NXPH1: variants seen among roughly 807,000 people sequenced by gnomAD.
The protein encoded by NXPH1 is neurexophilin-1.
Under a neutral mutation model 23.7 loss-of-function variants are expected in NXPH1, and 5 were observed. That is an observed-to-expected ratio of 0.21 (90% CI 0.11 to 0.44). NXPH1 has a LOEUF of 0.44. Ranked by LOEUF, NXPH1 falls within the 20% of genes least tolerant of loss-of-function variation. The pLI is 0.99. For missense variants in NXPH1, 324 were observed against 321.6 expected, an observed-to-expected ratio of 1.01 and a Z score of -0.06; for synonymous variants, 144 against 122.2, an observed-to-expected ratio of 1.18 and a Z score of -1.18.
At chr7:8,605,158 A>T (rs929849937) in intron 2 of NXPH1, among the ~76,000 whole-genome samples, 2 of 152,118 alleles carry the variant, frequency 1.3e-5, no homozygotes, top group African/African-American at 4.8e-5. Flanking sequence ...GGAATGCCTT[A>T]TATTTGATGT....
intron 2 of NXPH1, among the ~76,000 whole-genome samples, chr7:8,644,541 G>C (rs182606645): frequency 6.6e-6 from 1 of 151,890 alleles, no homozygotes; most frequent in Non-Finnish European, 1.5e-5. Context: ...TCTTCTTGAT[G>C]ACTGCAGTTA....
chr7:8,494,959 T>C (rs1817311165), intron 2 of NXPH1, among the ~76,000 whole-genome samples: 2 of 152,194 alleles, frequency 1.3e-5, no homozygotes, highest in South Asian at 4.1e-4. Flanking sequence ...CATGCTTTTA[T>C]TTCCTCATCT....
intron 2 of NXPH1, among the ~76,000 whole-genome samples, chr7:8,637,589 TTACA>T (rs1312268777): frequency 3.3e-5 from 5 of 152,134 alleles, no homozygotes; most frequent in African/African-American, 4.8e-5. Context: ...TAACCTGCTT[TTACA>T]TGATCTAATT....
At chr7:8,690,350 G>C (rs1426863453) in intron 2 of NXPH1, 1 of 152,176 alleles carries the variant, frequency 6.6e-6, no homozygotes, top group Non-Finnish European at 1.5e-5. Flanking sequence ...AATTTGGTGA[G>C]CTATTTATTT....
chr7:8,502,549 A>G (rs1465876106), intron 2 of NXPH1, among the ~76,000 whole-genome samples: 3 of 152,028 alleles, frequency 2.0e-5, no homozygotes, highest in Non-Finnish European at 4.4e-5. Flanking sequence ...AATACAATAT[A>G]AAGCATTAGT....
chr7:8,699,530 T>C (rs10256419), intron 2 of NXPH1, among the ~76,000 whole-genome samples: 10,448 of 152,174 alleles, frequency 0.069, 669 homozygotes, highest in East Asian at 0.18. Flanking sequence ...TGAACAGATA[T>C]GACAGTTTTG....
chr7:8,479,996 A>G (rs1172453015), intron 2 of NXPH1, among the ~76,000 whole-genome samples: 1 of 152,124 alleles, frequency 6.6e-6, no homozygotes, highest in African/African-American at 2.4e-5. Flanking sequence ...ATTAATAAAT[A>G]AAATTAGAGA....
At chr7:8,606,269 C>T (rs1304122451) in intron 2 of NXPH1, among the ~76,000 whole-genome samples, 1 of 151,844 alleles carries the variant, frequency 6.6e-6, no homozygotes, top group African/African-American at 2.4e-5. Context: ...TATAAAACAC[C>T]TAAGAATAAA....
chr7:8,676,390 A>G (rs1234540139), intron 2 of NXPH1, among the ~76,000 whole-genome samples: 1 of 152,158 alleles, frequency 6.6e-6, no homozygotes, highest in Non-Finnish European at 1.5e-5. Flanking sequence ...CATTTGCATA[A>G]CACTCCACCT....
In NXPH1 at chr7:8,694,026, T is replaced by TA. The variant is rs528633083; in HGVS notation, c.55-56978dup. ...AAGAGTCATGTCAGGATGACATTTG[T>TA]AAAACAGTTTTCTGAAACAAAGCAG... On this transcript the variant is annotated intron_variant, in intron 2 of 2. Transcript: ENST00000405863. Among the ~76,000 whole-genome samples, 348 of 152,314 alleles carry TA rather than the reference T, an allele frequency of 2.3e-3. 2 individuals are homozygous for TA. The highest frequency in any genetic ancestry group is 0.02 in the Middle Eastern group (6 of 294).
chr7:8,590,116 T>A (rs1819061426), intron 2 of NXPH1, among the ~76,000 whole-genome samples: 1 of 152,072 alleles, frequency 6.6e-6, no homozygotes, highest in South Asian at 2.1e-4. Flanking sequence ...ATTCTTCTTT[T>A]CATAGTTATT....
At chr7:8,710,633 C>A (rs1428455834) in intron 2 of NXPH1, among the ~76,000 whole-genome samples, 1 of 130,856 alleles carries the variant, frequency 7.6e-6, no homozygotes, top group Non-Finnish European at 1.6e-5. Flanking sequence ...AGCATGTCAA[C>A]TGTTACGTTT....
intron 2 of NXPH1, among the ~76,000 whole-genome samples, chr7:8,483,829 A>G (rs1817113790): frequency 1.3e-5 from 2 of 152,132 alleles, no homozygotes; most frequent in African/African-American, 2.4e-5. Flanking sequence ...ACATTCTACA[A>G]TGCTAAATGT....
chr7:8,454,726 T>G (rs1242292310), intron 2 of NXPH1, among the ~76,000 whole-genome samples: 1 of 151,974 alleles, frequency 6.6e-6, no homozygotes, highest in African/African-American at 2.4e-5. Context: ...AGAGTTAGAA[T>G]AAGTCAACTT....
chr7:8,484,723 G>A (rs903717405), intron 2 of NXPH1, among the ~76,000 whole-genome samples: 6 of 152,124 alleles, frequency 3.9e-5, no homozygotes, highest in Non-Finnish European at 8.8e-5. Context: ...GACGTATGTA[G>A]GTGTATTTAA....
intron 2 of NXPH1, among the ~76,000 whole-genome samples, chr7:8,722,893 T>G (rs1779992273): frequency 6.6e-6 from 1 of 152,234 alleles, no homozygotes; most frequent in African/African-American, 2.4e-5. Flanking sequence ...CAGCCTCAGA[T>G]GTTTAGTGAT....
rs114884452 is a variant in NXPH1 at position 8,634,116 on chromosome 7, T to G, written c.55-116892T>G. On this transcript the variant is annotated intron_variant, in intron 2 of 2. Coordinates refer to ENST00000405863, the MANE Select transcript of NXPH1 (RefSeq NM_152745.3). ...TTTTTCATTTCCTGGTGATGTCGTT[T>G]AGCTGTGTCCCCACTCAAATCTCAT... Among the ~76,000 whole-genome samples the G allele has an allele frequency of 5.3e-3, 801 of 152,306 alleles. 6 individuals are homozygous for G. Among genetic ancestry groups the G allele is most frequent in the African/African-American group, 0.018 (756 of 41,570 alleles).
chr7:8,700,442 T>A (rs1779605278), intron 2 of NXPH1, among the ~76,000 whole-genome samples: 1 of 152,164 alleles, frequency 6.6e-6, no homozygotes, highest in Non-Finnish European at 1.5e-5. Context: ...CTGTACTCTA[T>A]CATCTTTCAT....
At chr7:8,475,733 A>G (rs949831094) in intron 2 of NXPH1, among the ~76,000 whole-genome samples, 1 of 151,986 alleles carries the variant, frequency 6.6e-6, no homozygotes, top group Non-Finnish European at 1.5e-5. Flanking sequence ...TTACCTCTTC[A>G]CCTCTTCTAT....
Sources: gnomAD v4.1 joint callset for allele counts (sites outside exome capture counted in the v4.1 genomes callset) on GRCh38, gnomAD v4.1.1 for gene constraint, MANE v1.5 for transcripts, NCBI Gene and HGNC (gene_info 2026-07-23, HGNC 2026-07-21) for gene names.